Variants in BNC2 observed in about 807,000 individuals in gnomAD.
BNC2 encodes zinc finger protein basonuclin-2.
A neutral mutation model predicts 76.3 loss-of-function variants in BNC2; 20 were observed. The ratio of observed to expected loss-of-function variants is 0.26; its 90% CI spans 0.18 to 0.38. BNC2 has a LOEUF of 0.38. Among genes scored for constraint, BNC2 ranks in the 10% least tolerant of loss-of-function variants. The pLI is 1.00. For synonymous variants in BNC2, 582 were observed against 514.8 expected (o/e 1.13, Z -1.77); for missense variants, 1,382 against 1,399.8 (o/e 0.99, Z 0.20).
chr9:16,551,555 G>A (rs1043364818), intron 5 of BNC2, among the ~76,000 whole-genome samples: 2 of 152,226 alleles, frequency 1.3e-5, no homozygotes, highest in Non-Finnish European at 2.9e-5. Context: ...AAGGGGTCAT[G>A]TCTCCTGGTA....
intron 3 of BNC2, among the ~76,000 whole-genome samples, chr9:16,600,357 T>A (rs181251202): frequency 1.3e-5 from 2 of 152,330 alleles, no homozygotes; most frequent in East Asian, 3.9e-4. Context: ...GCTATTATTT[T>A]AATTGTCAAA....
intron 1 of BNC2, among the ~76,000 whole-genome samples, chr9:16,837,877 G>A (rs530411389): frequency 4.0e-5 from 6 of 151,740 alleles, no homozygotes; most frequent in South Asian, 2.1e-4. Context: ...GCAGTGAGCC[G>A]AGATCATACC....
At chr9:16,540,550 T>G (rs1476735331) in intron 5 of BNC2, among the ~76,000 whole-genome samples, 2 of 152,184 alleles carry the variant, frequency 1.3e-5, no homozygotes, top group Non-Finnish European at 2.9e-5. Flanking sequence ...TTGTGGATAA[T>G]TTTTCAATAG....
At chr9:16,802,054 A>C (rs1333677957) in intron 1 of BNC2, among the ~76,000 whole-genome samples, 1 of 152,220 alleles carries the variant, frequency 6.6e-6, no homozygotes, top group Non-Finnish European at 1.5e-5. Flanking sequence ...CTTCGTATCC[A>C]AAATAAAACG....
At chr9:16,672,817 T>G (rs1037237688) in intron 3 of BNC2, among the ~76,000 whole-genome samples, 15 of 151,950 alleles carry the variant, frequency 9.9e-5, no homozygotes, top group African/African-American at 3.6e-4. Flanking sequence ...CACCATGGAG[T>G]AGTGAAGCAA....
intron 3 of BNC2, among the ~76,000 whole-genome samples, chr9:16,718,272 G>A (rs1268565234): frequency 2.6e-4 from 40 of 152,266 alleles, no homozygotes; most frequent in South Asian, 2.1e-4. Context: ...CCGGCTGCCC[G>A]GCTGGCTACT....
chr9:16,664,640 A>T (rs978888287), intron 3 of BNC2, among the ~76,000 whole-genome samples: 4 of 152,030 alleles, frequency 2.6e-5, no homozygotes, highest in Non-Finnish European at 4.4e-5. Context: ...TCAATGACAG[A>T]TTCATAAAAA....
At chr9:16,865,273 C>A (rs969990228) in intron 1 of BNC2, among the ~76,000 whole-genome samples, 8 of 152,008 alleles carry the variant, frequency 5.3e-5, no homozygotes, top group African/African-American at 1.9e-4. Context: ...TGGTAAGATA[C>A]ATACACAGTG....
At chr9:16,459,833 A>G (rs190262163) in intron 5 of BNC2, among the ~76,000 whole-genome samples, 17 of 152,344 alleles carry the variant, frequency 1.1e-4, no homozygotes, top group Non-Finnish European at 2.2e-4. Flanking sequence ...ATTTTGGCAT[A>G]TATTTTTCAT....
In BNC2 at chr9:16,537,863, C is replaced by T. The variant is rs1028352780; in HGVS notation, c.669+14667G>A. ...AGTGAATAAATCATACGTGAAAACCCTATACTATAGCATTCTTTTATAAAG... is the reference window on the plus strand; with the variant it reads ...AGTGAATAAATCATACGTGAAAACCTTATACTATAGCATTCTTTTATAAAG... On this transcript the variant is annotated intron_variant, in intron 5 of 6. Coordinates refer to ENST00000380672, the MANE Select transcript of BNC2 (RefSeq NM_017637.6). Among the ~76,000 whole-genome samples the T allele has an allele frequency of 2.0e-5, 3 of 152,156 alleles. No homozygotes were observed. In the South Asian group the frequency reaches 6.2e-4, roughly 31 times the overall value.
intron 6 of BNC2, among the ~76,000 whole-genome samples, chr9:16,423,685 A>G (rs1465279962): frequency 1.3e-5 from 2 of 152,238 alleles, no homozygotes; most frequent in Non-Finnish European, 2.9e-5. Context: ...CTCATGTAAC[A>G]GAATATCCAA....
intron 4 of BNC2, among the ~76,000 whole-genome samples, chr9:16,572,213 T>G (rs1168345997): frequency 1.3e-5 from 2 of 152,170 alleles, no homozygotes; most frequent in Non-Finnish European, 2.9e-5. Flanking sequence ...TTAAACAAAT[T>G]TAACTTCTCT....
chr9:16,439,863 CCTT>C (rs773638715), intron 5 of BNC2, among the ~76,000 whole-genome samples: 16 of 152,314 alleles, frequency 1.1e-4, no homozygotes, highest in Admixed American at 7.2e-4. Flanking sequence ...AGATGTCCCT[CCTT>C]CATCATGTAG....
At chr9:16,633,092 A>G (rs1821213242) in intron 3 of BNC2, among the ~76,000 whole-genome samples, 1 of 152,244 alleles carries the variant, frequency 6.6e-6, no homozygotes, top group Non-Finnish European at 1.5e-5. Context: ...AGTCTGTTTT[A>G]GATGAGCCAC....
intron 3 of BNC2, among the ~76,000 whole-genome samples, chr9:16,674,082 G>T (rs1170988989): frequency 6.6e-6 from 1 of 152,112 alleles, no homozygotes; most frequent in Non-Finnish European, 1.5e-5. Flanking sequence ...TCCACTCAAA[G>T]CCTTTTAGAT....
intron 4 of BNC2, among the ~76,000 whole-genome samples, chr9:16,563,136 A>G (rs1376223171): frequency 6.6e-6 from 1 of 152,230 alleles, no homozygotes; most frequent in Non-Finnish European, 1.5e-5. Flanking sequence ...TGGATTTGCA[A>G]ATTAGGCTAC....
intron 1 of BNC2, among the ~76,000 whole-genome samples, chr9:16,817,731 C>T (rs1203228265): frequency 6.6e-6 from 1 of 152,172 alleles, no homozygotes; most frequent in Non-Finnish European, 1.5e-5. Flanking sequence ...GGATTTACAG[C>T]TTTTGCTCAT....
intron 1 of BNC2, among the ~76,000 whole-genome samples, chr9:16,851,670 A>T (rs1040490661): frequency 6.6e-6 from 1 of 152,220 alleles, no homozygotes; most frequent in African/African-American, 2.4e-5. Flanking sequence ...TTTCTCAATA[A>T]AACTGTTTTT....
chr9:16,758,035 A>G (rs922906680), intron 1 of BNC2, among the ~76,000 whole-genome samples: 12 of 152,230 alleles, frequency 7.9e-5, no homozygotes, highest in Non-Finnish European at 5.9e-5. Flanking sequence ...TCACTGGGCT[A>G]AAGTCAAGAT....
Sources: gnomAD v4.1 joint callset for allele counts (sites outside exome capture counted in the v4.1 genomes callset) on GRCh38, gnomAD v4.1.1 for gene constraint, MANE v1.5 for transcripts, NCBI Gene and HGNC (gene_info 2026-07-23, HGNC 2026-07-21) for gene names.